The following VPS35L variants were observed in gnomAD, a reference collection of about 807,000 sequenced individuals.
VPS35L encodes the protein VPS35 endosomal protein-sorting factor-like.
A neutral mutation model predicts 133.0 loss-of-function variants in VPS35L; 83 were observed. The observed-to-expected ratio is 0.62, with a 90% CI of 0.52 to 0.75. The LOEUF (loss-of-function observed/expected upper bound fraction) is 0.75, where lower values mean the gene tolerates loss of function less well. Among genes scored for constraint, VPS35L ranks in the 30% least tolerant of loss-of-function variants. The pLI, the probability that VPS35L is intolerant of heterozygous loss-of-function variation, is 0.00. For synonymous variants in VPS35L, 423 were observed against 449.9 expected (o/e 0.94, Z 0.76); for missense variants, 1,083 against 1,206.8 (o/e 0.90, Z 1.52).
chr16:19,681,913 T>C (rs904775417), intron 27 of VPS35L, among the ~76,000 whole-genome samples: 2 of 151,714 alleles, frequency 1.3e-5, no homozygotes, highest in African/African-American at 2.4e-5. Context: ...CACAGAAAAA[T>C]AAGAGTGTAA....
At chr16:19,628,146 C>CT (rs1188896928) in intron 16 of VPS35L, among the ~76,000 whole-genome samples, 8 of 152,120 alleles carry the variant, frequency 5.3e-5, no homozygotes, top group Non-Finnish European at 1.2e-4. Flanking sequence ...AGGAGGATCA[C>CT]TTGAGGCCAG....
chr16:19,604,101 A>G (rs1972470528), intron 9 of VPS35L, among the ~76,000 whole-genome samples: 1 of 151,850 alleles, frequency 6.6e-6, no homozygotes, highest in South Asian at 2.1e-4. Context: ...ACTTGAGCCA[A>G]CAGGTGGAAC....
chr16:19,685,894 C>A (rs1157364844), intron 28 of VPS35L, among the ~76,000 whole-genome samples: 1 of 152,112 alleles, frequency 6.6e-6, no homozygotes, highest in South Asian at 2.1e-4. Flanking sequence ...CCTCTCCTCT[C>A]TCTCCTCTCC....
intron 14 of VPS35L, among the ~76,000 whole-genome samples, chr16:19,622,343 A>G (rs559856177): frequency 6.6e-6 from 1 of 151,628 alleles, no homozygotes; most frequent in Non-Finnish European, 1.5e-5. Context: ...GGGTCTCATC[A>G]TCTTGGCCAG....
intron 28 of VPS35L, among the ~76,000 whole-genome samples, chr16:19,688,728 C>T (rs1002698892): frequency 6.6e-6 from 1 of 152,184 alleles, no homozygotes. Flanking sequence ...TTATGCTCGG[C>T]CACATACAAG....
intron 26 of VPS35L, among the ~76,000 whole-genome samples, chr16:19,664,018 G>A (rs938268608): frequency 6.6e-6 from 1 of 152,048 alleles, no homozygotes; most frequent in African/African-American, 2.4e-5. Context: ...TGTTCTTTCA[G>A]TGGTCCACAG....
intron 9 of VPS35L, chr16:19,607,963 T>C (rs1972586175): frequency 1.9e-6 from 1 of 536,496 alleles, no homozygotes; most frequent in Admixed American, 3.2e-5. Context: ...AGGTGAGCTG[T>C]CTGTAAAGCA....
At chr16:19,615,508 A>G (rs1306860675) in intron 12 of VPS35L, among the ~76,000 whole-genome samples, 1 of 151,870 alleles carries the variant, frequency 6.6e-6, no homozygotes, top group Non-Finnish European at 1.5e-5. Context: ...AAATTAGCCA[A>G]GTGTCGTGAC....
intron 9 of VPS35L, among the ~76,000 whole-genome samples, chr16:19,604,117 C>A (rs960866087): frequency 1.3e-5 from 2 of 150,302 alleles, no homozygotes; most frequent in Admixed American, 6.6e-5. Flanking sequence ...GGAACTGAAC[C>A]AAAATAGGTT....
intron 7 of VPS35L, among the ~76,000 whole-genome samples, chr16:19,585,737 A>C (rs1245616440): frequency 6.6e-6 from 1 of 151,504 alleles, no homozygotes. Context: ...CTACTATCCT[A>C]GTGGGTTTGA....
chr16:19,580,309 A>G (rs965991362), intron 6 of VPS35L, among the ~76,000 whole-genome samples: 1 of 151,194 alleles, frequency 6.6e-6, no homozygotes, highest in African/African-American at 2.4e-5. Context: ...AGAGGGTTTC[A>G]CGATGTTGAC....
intron 27 of VPS35L, among the ~76,000 whole-genome samples, chr16:19,678,095 G>A (rs900818306): frequency 6.6e-6 from 1 of 152,180 alleles, no homozygotes; most frequent in African/African-American, 2.4e-5. Context: ...GGAAGAGTTA[G>A]TTACTTCTAG....
chr16:19,644,065 C>T (rs1170734392), intron 22 of VPS35L, among the ~76,000 whole-genome samples: 1 of 152,072 alleles, frequency 6.6e-6, no homozygotes, highest in Non-Finnish European at 1.5e-5. Flanking sequence ...CAAACAAAAA[C>T]CTTGACTCCT....
intron 7 of VPS35L, among the ~76,000 whole-genome samples, chr16:19,591,051 G>T (rs1054344047): frequency 6.6e-6 from 1 of 152,122 alleles, no homozygotes; most frequent in Admixed American, 6.6e-5. Flanking sequence ...GCAATTCCCC[G>T]CAAAGCTGAA....
chr16:19,596,259 C>T (rs190852665), intron 8 of VPS35L, among the ~76,000 whole-genome samples: 1 of 144,214 alleles, frequency 6.9e-6, no homozygotes, highest in Admixed American at 6.9e-5. Flanking sequence ...TTATACATTG[C>T]TTATGGGGGA....
intron 28 of VPS35L, among the ~76,000 whole-genome samples, chr16:19,683,755 TG>T (rs1567485653): frequency 6.6e-6 from 1 of 152,376 alleles, no homozygotes; most frequent in East Asian, 1.9e-4. Flanking sequence ...AGTGCTGCAG[TG>T]AACATACGTG....
intron 8 of VPS35L, among the ~76,000 whole-genome samples, chr16:19,593,791 C>T (rs1972115704): frequency 1.3e-5 from 2 of 152,226 alleles, no homozygotes; most frequent in South Asian, 4.1e-4. Flanking sequence ...GTGGTGCACA[C>T]CTGTAGTCCC....
chr16:19,695,069 G>A (rs1006967270), intron 29 of VPS35L, among the ~76,000 whole-genome samples: 1 of 151,178 alleles, frequency 6.6e-6, no homozygotes, highest in Admixed American at 6.6e-5. Flanking sequence ...GGCTCCCAAA[G>A]TGCTGCGGAT....
intron 27 of VPS35L, among the ~76,000 whole-genome samples, chr16:19,669,519 A>G (rs918826522): frequency 9.2e-5 from 14 of 152,130 alleles, no homozygotes; most frequent in Admixed American, 7.9e-4. Context: ...TCAGGCTGCT[A>G]TTACAAAGTG....
Sources: gnomAD v4.1 joint callset for allele counts (sites outside exome capture counted in the v4.1 genomes callset) on GRCh38, gnomAD v4.1.1 for gene constraint, MANE v1.5 for transcripts, NCBI Gene and HGNC (gene_info 2026-07-23, HGNC 2026-07-21) for gene names.